AATK: variants seen among roughly 807,000 people sequenced by gnomAD.
The protein encoded by AATK is serine/threonine-protein kinase LMTK1.
In AATK, 91 loss-of-function variants were observed where a neutral mutation model predicts 114.3. That is an observed-to-expected ratio of 0.80 (90% CI 0.67 to 0.95). AATK has a LOEUF of 0.95. Ranked by LOEUF, AATK falls within the 40% of genes least tolerant of loss-of-function variation. The pLI, the probability that AATK is intolerant of heterozygous loss-of-function variation, is 0.00. For missense variants in AATK, 2,176 were observed against 1,965.2 expected (o/e 1.11, Z -2.03); for synonymous variants, 1,075 against 916.5 (o/e 1.17, Z -3.12).
intron 1 of AATK, among the ~76,000 whole-genome samples, chr17:81,141,266 G>A (rs187910720): frequency 2.6e-5 from 4 of 152,224 alleles, no homozygotes; most frequent in East Asian, 3.9e-4. Flanking sequence ...CCTGGCCAAC[G>A]TGGTGAAATC....
intron 1 of AATK, among the ~76,000 whole-genome samples, chr17:81,140,917 CCG>C (rs2061125050): frequency 4.9e-5 from 4 of 81,412 alleles, no homozygotes; most frequent in African/African-American, 2.0e-4. Context: ...GGCCGTGGGG[CCG>C]TGGGACCGTG....
chr17:81,138,211 A>G (rs1489409310), intron 1 of AATK, among the ~76,000 whole-genome samples: 2 of 150,364 alleles, frequency 1.3e-5, no homozygotes, highest in Non-Finnish European at 3.0e-5. Context: ...ACACCCCCAC[A>G]TGCACACATA....
Position 81,118,137 on chromosome 17 carries a change from C to G in AATK, c.*265G>C. On this transcript the variant is annotated 3_prime_UTR_variant, in exon 14 of 14. Coordinates refer to ENST00000326724, the MANE Select transcript of AATK (RefSeq NM_001080395.3). ...GAGTGTGTATGTGTGTACAGACACC[C>G]ACTGTGGCTCCAGGCGCCCCCAGGG... is the stretch of plus-strand genomic sequence containing the variant. 1.9e-6 allele frequency: 1 copy of G among 529,938 alleles called. No individual in the cohort carries two copies. Among genetic ancestry groups the G allele is most frequent in the Non-Finnish European group, 3.4e-6 (1 of 293,852 alleles). The allele number at this position is 529,938 out of a possible 1,614,324, so 32.8% of individuals were successfully genotyped here.
At chr17:81,164,543 A>T (rs1264959950) in intron 1 of AATK, among the ~76,000 whole-genome samples, 2 of 152,210 alleles carry the variant, frequency 1.3e-5, no homozygotes, top group East Asian at 3.8e-4. Context: ...TACCCAGAGA[A>T]GGGCAGAGCC....
In AATK at chr17:81,119,295, G is replaced by T. The variant is rs2060650057; in HGVS notation, c.4084+85C>A. On this transcript the variant is annotated intron_variant, in intron 13 of 13. Transcript: ENST00000326724. ...GCGGAGCCGGGGCTGGCCCGGCCCA[G>T]GACCTAGACGGAGGGGCCCCACCCT... 4 of 1,385,156 alleles carry T rather than the reference G, an allele frequency of 2.9e-6. No homozygotes were observed. The Admixed American group carries it at 8.5e-5, about 29-fold the overall frequency. 85.8% of individuals were successfully genotyped at this position (1,385,156 alleles called of 1,614,324 possible). A position where few individuals can be genotyped will look rare whatever the true frequency, so the allele number is the denominator to read the frequency against.
At chr17:81,137,915 C>A (rs2061039313) in intron 1 of AATK, among the ~76,000 whole-genome samples, 1 of 54,050 alleles carries the variant, frequency 1.9e-5, no homozygotes, top group Admixed American at 2.4e-4. Context: ...CACACGGGCA[C>A]ACGTGCACAC....
At chr17:81,162,893 C>T (rs1458041617) in intron 1 of AATK, among the ~76,000 whole-genome samples, 1 of 152,178 alleles carries the variant, frequency 6.6e-6, no homozygotes, top group Non-Finnish European at 1.5e-5. Flanking sequence ...AAACTCCAAG[C>T]CCTGCCCACT....
At position 81,120,772 on chromosome 17, in the gene AATK, A is replaced by G; in HGVS notation, c.3164T>C (p.Val1055Ala). 1 of 1,570,278 alleles carries G rather than the reference A, an allele frequency of 6.4e-7. No homozygotes were observed. The highest frequency in any genetic ancestry group is 8.6e-7 in the Non-Finnish European group (1 of 1,158,422). ...TTCAAGCTGCAGCAGTGGGGGCAGCACCTCCCCGGGGCCAGAGCCTTGTGC... is the reference window on the plus strand; with the variant it reads ...TTCAAGCTGCAGCAGTGGGGGCAGCGCCTCCCCGGGGCCAGAGCCTTGTGC... ...GEAQGSGPGE[V>A]LPPLLQLEGS... Residue 1055 changes from valine to alanine, a missense_variant, in exon 11 of 14, where the codon GTG becomes GCG. Around this residue, in one of 4 missense-constraint regions of AATK, gnomAD observed 1,701 missense variants for 1,394.7 expected, o/e 1.22. Transcript: ENST00000326724.
chr17:81,129,729 G>A (rs538370448), intron 3 of AATK, among the ~76,000 whole-genome samples: 1 of 152,276 alleles, frequency 6.6e-6, no homozygotes, highest in Admixed American at 6.5e-5. Flanking sequence ...ACCTGCCCCT[G>A]GACCCAAGGG....
chr17:81,136,511 C>T (rs868829865), intron 1 of AATK, among the ~76,000 whole-genome samples: 1 of 152,212 alleles, frequency 6.6e-6, no homozygotes, highest in Non-Finnish European at 1.5e-5. Context: ...CAGGACCCCA[C>T]CTCAGCTACC....
Position 81,122,627 on chromosome 17 carries a change from C to T in AATK, c.1309G>A (p.Gly437Ser), listed in dbSNP as rs879641488. The change falls in exon 11 of 14, where the codon GGC (glycine) becomes AGC (serine). Residue 437 changes from glycine (G) to serine (S), a missense_variant. Physicochemically the swap from Gly to Ser is moderately conservative, Grantham distance 56. Transcript: ENST00000326724. Reference protein sequence around the residue: ...GPGAAGPMLGGVVELAAASSF... With the variant: ...GPGAAGPMLGSVVELAAASSF... ...GAGGCAGCGGCGAGCTCCACCACGC[C>T]GCCCAGCATGGGCCCCGCCGCACCG... The T allele has an allele frequency of 1.4e-4, 192 of 1,412,032 alleles. No homozygotes were observed. Among genetic ancestry groups the T allele is most frequent in the Non-Finnish European group, 1.7e-4 (183 of 1,074,714 alleles). 87.5% of individuals were successfully genotyped at this position (1,412,032 alleles called of 1,614,324 possible).
Position 81,124,726 on chromosome 17 carries a change from C to A in AATK, c.962+1G>T. 1 of 1,612,628 alleles carries A rather than the reference C, an allele frequency of 6.2e-7. No homozygotes were observed. The highest frequency in any genetic ancestry group is 8.5e-7 in the Non-Finnish European group (1 of 1,179,662). ...CACGGTGCCACCAGGGCCGCACTCACCACACATTCCCGCTCTTGGTCTGGT... is the reference window on the plus strand; with the variant it reads ...CACGGTGCCACCAGGGCCGCACTCAACACACATTCCCGCTCTTGGTCTGGT... On this transcript the variant is annotated splice_donor_variant, in intron 9 of 13. Coordinates refer to ENST00000326724, the MANE Select transcript of AATK (RefSeq NM_001080395.3). LOFTEE classifies it high-confidence loss of function.
In AATK at chr17:81,120,149, T is replaced by G. The variant is rs962651428; in HGVS notation, c.3735+52A>C. On this transcript the variant is annotated intron_variant, in intron 11 of 13. Transcript: ENST00000326724. ...AGCCGCGGCCGCTCCCACCCCTTCCTGCGGGAGCGCGACCCCCAGCCCCGG... is the reference window on the plus strand; with the variant it reads ...AGCCGCGGCCGCTCCCACCCCTTCCGGCGGGAGCGCGACCCCCAGCCCCGG... 2.8e-5 allele frequency: 43 copies of G among 1,515,462 alleles called. 1 individual carries two copies. The African/African-American group carries it at 4.3e-4, about 15-fold the overall frequency. 93.9% of individuals were successfully genotyped at this position (1,515,462 alleles called of 1,614,324 possible).
At position 81,120,755 on chromosome 17, in the gene AATK, G is replaced by T. The variant is rs753558006; in HGVS notation, c.3181C>A (p.Gln1061Lys). The T allele has an allele frequency of 6.3e-7, 1 of 1,577,072 alleles. No individual in the cohort carries two copies. The highest frequency in any genetic ancestry group is 8.6e-7 in the Non-Finnish European group (1 of 1,161,976). The change falls in exon 11 of 14, where the codon CAG becomes AAG. Residue 1061 changes from glutamine (Q) to lysine (K), a missense_variant. By Grantham distance (53) the Gln-to-Lys change is moderately conservative. Around this residue, in one of 4 missense-constraint regions of AATK, gnomAD observed 1,701 missense variants for 1,394.7 expected, o/e 1.22. Coordinates refer to ENST00000326724, the MANE Select transcript of AATK (RefSeq NM_001080395.3). ...GPGEVLPPLL[Q>K]LEGSSPEPST... ...GGCTCTGGGGAGGACCCTTCAAGCT[G>T]CAGCAGTGGGGGCAGCACCTCCCCG...
At position 81,131,300 on chromosome 17, in the gene AATK, C is replaced by G. The variant is rs369588357; in HGVS notation, c.190-95G>C. ...GCCCCTTTCTTCCAGGGCCGAGCTC[C>G]CAGGGCAGGGCAGGAGGGGGTGCTC... On this transcript the variant is annotated intron_variant, in intron 2 of 13. Transcript: ENST00000326724. 334 of 1,445,552 alleles carry G rather than the reference C, an allele frequency of 2.3e-4. No individual in the cohort carries two copies. The East Asian group carries it at 7.9e-3, about 34-fold the overall frequency. 89.5% of individuals were successfully genotyped at this position (1,445,552 alleles called of 1,614,324 possible).
rs1186418483 is a variant in AATK at position 81,127,574 on chromosome 17, G to A, written c.621+9C>T. 1 of 1,590,212 alleles carries A rather than the reference G, an allele frequency of 6.3e-7. No homozygotes were observed. Among genetic ancestry groups the A allele is most frequent in the South Asian group, 1.1e-5 (1 of 87,366 alleles). On this transcript the variant is annotated intron_variant, in intron 6 of 13. Coordinates refer to ENST00000326724, the MANE Select transcript of AATK (RefSeq NM_001080395.3). ...AAAGACCCCAGCATCCCCCCGGGCA[G>A]CAGCTCACCAGTGGGCAGAACTCCA...
intron 1 of AATK, among the ~76,000 whole-genome samples, chr17:81,134,957 G>A (rs925767701): frequency 2.0e-5 from 3 of 152,172 alleles, no homozygotes; most frequent in South Asian, 4.1e-4. Flanking sequence ...TCTGGACAGC[G>A]GGGGCTCAAG....
intron 3 of AATK, chr17:81,128,824 GC>G: frequency 8.0e-7 from 1 of 1,244,556 alleles, no homozygotes; most frequent in Non-Finnish European, 1.0e-6. Context: ...GGATAGCCCG[GC>G]CAGGGACAGC....
intron 1 of AATK, among the ~76,000 whole-genome samples, chr17:81,140,109 C>T (rs2061100278): frequency 6.6e-6 from 1 of 152,136 alleles, no homozygotes; most frequent in African/African-American, 2.4e-5. Flanking sequence ...AACTCCTGGC[C>T]TCAAGCAGTC....
Sources: allele counts gnomAD v4.1 joint callset (sites outside exome capture counted in the v4.1 genomes callset), GRCh38; gene constraint gnomAD v4.1.1; regional missense constraint gnomAD v4.1.1; transcripts MANE v1.5; gene names NCBI Gene and HGNC (gene_info 2026-07-23, HGNC 2026-07-21).